The following CNTNAP2 variants were observed in gnomAD, a reference collection of about 807,000 sequenced individuals.
CNTNAP2 encodes contactin associated protein 2, also known as contactin-associated protein-like 2.
In CNTNAP2, 98 loss-of-function variants were observed where a neutral mutation model predicts 155.2. The ratio of observed to expected loss-of-function variants is 0.63; its 90% confidence interval spans 0.54 to 0.75. CNTNAP2 has a LOEUF of 0.75. Among genes scored for constraint, CNTNAP2 ranks in the 30% least tolerant of loss-of-function variants. The pLI, the probability that CNTNAP2 is intolerant of heterozygous loss-of-function variation, is 0.00. For synonymous variants in CNTNAP2, 651 were observed against 631.2 expected (o/e 1.03, Z -0.47); for missense variants, 1,727 against 1,688.1 (o/e 1.02, Z -0.40).
chr7:147,909,849 A>G (rs1800029203), intron 14 of CNTNAP2, among the ~76,000 whole-genome samples: 1 of 152,224 alleles, frequency 6.6e-6, no homozygotes, highest in African/African-American at 2.4e-5. Flanking sequence ...GGGCACATAC[A>G]TGGTGGAAAA....
chr7:147,961,565 G>A (rs1486452205), intron 14 of CNTNAP2, among the ~76,000 whole-genome samples: 1 of 152,138 alleles, frequency 6.6e-6, no homozygotes, highest in Non-Finnish European at 1.5e-5. Context: ...GTTTTCTACA[G>A]TTTTCCAATA....
chr7:148,074,821 A>G lies in CNTNAP2; in HGVS notation c.2384-43297A>G, dbSNP rs1803453637. On this transcript the variant is annotated intron_variant, in intron 15 of 23. Transcript: ENST00000361727. ...TAGCTTTTAGATAGTTTACAGGCCA[A>G]TGACACACAGTAGATGATGTTCTGC... 2.6e-5 allele frequency among the ~76,000 whole-genome samples: 4 copies of G among 152,212 alleles called. No individual in the cohort carries two copies. In the South Asian group the frequency reaches 6.2e-4, roughly 24 times the overall value.
intron 17 of CNTNAP2, among the ~76,000 whole-genome samples, chr7:148,168,550 CG>C (rs944508715): frequency 1.8e-5 from 2 of 110,640 alleles, no homozygotes; most frequent in South Asian, 2.9e-4. Flanking sequence ...CATCACACAC[CG>C]GGGCCTGTTG....
At chr7:147,650,939 C>T (rs900321066) in intron 13 of CNTNAP2, among the ~76,000 whole-genome samples, 1 of 152,056 alleles carries the variant, frequency 6.6e-6, no homozygotes, top group Non-Finnish European at 1.5e-5. Context: ...ATTTAGAATT[C>T]ATAATGACTT....
intron 1 of CNTNAP2, among the ~76,000 whole-genome samples, chr7:146,193,758 C>T (rs894002911): frequency 1.3e-5 from 2 of 152,190 alleles, no homozygotes; most frequent in African/African-American, 4.8e-5. Context: ...TGGCAGGCAA[C>T]TTGTATTTCT....
intron 1 of CNTNAP2, among the ~76,000 whole-genome samples, chr7:146,655,339 G>A (rs117607962): frequency 0.044 from 6,630 of 149,032 alleles, 169 homozygotes; most frequent in Middle Eastern, 0.092. Flanking sequence ...ACTTGAACTC[G>A]GGAGACAGAG....
At chr7:147,704,399 T>C (rs1796279196) in intron 13 of CNTNAP2, 1 of 163,406 alleles carries the variant, frequency 6.1e-6, no homozygotes, top group Non-Finnish European at 1.5e-5. Context: ...TTAATCCAAA[T>C]ATCTGACCAG....
intron 21 of CNTNAP2, among the ~76,000 whole-genome samples, chr7:148,291,724 C>T (rs561215581): frequency 6.6e-6 from 1 of 152,116 alleles, no homozygotes; most frequent in South Asian, 2.1e-4. Flanking sequence ...GGAGGTAATG[C>T]GTATGTTAAA....
intron 8 of CNTNAP2, among the ~76,000 whole-genome samples, chr7:147,227,476 A>G (rs544907872): frequency 1.1e-4 from 16 of 152,302 alleles, no homozygotes; most frequent in Non-Finnish European, 1.9e-4. Flanking sequence ...CAAGTTGAAA[A>G]AGGCTGACCA....
At chr7:147,485,230 A>G (rs1798490314) in intron 10 of CNTNAP2, among the ~76,000 whole-genome samples, 1 of 152,318 alleles carries the variant, frequency 6.6e-6, no homozygotes, top group African/African-American at 2.4e-5. Flanking sequence ...TCAAACCTTA[A>G]AATTATTTGT....
At chr7:146,157,747 T>C (rs1584777789) in intron 1 of CNTNAP2, among the ~76,000 whole-genome samples, 1 of 152,176 alleles carries the variant, frequency 6.6e-6, no homozygotes, top group Admixed American at 6.5e-5. Flanking sequence ...AAGCTTGAAC[T>C]GGGTGGAGCC....
At chr7:147,579,943 T>C (rs1397252035) in intron 12 of CNTNAP2, among the ~76,000 whole-genome samples, 1 of 152,216 alleles carries the variant, frequency 6.6e-6, no homozygotes, top group East Asian at 1.9e-4. Context: ...AGACCAAGAA[T>C]TGTGACTAGT....
intron 16 of CNTNAP2, among the ~76,000 whole-genome samples, chr7:148,140,477 G>A (rs372834544): frequency 2.0e-5 from 3 of 147,430 alleles, no homozygotes; most frequent in East Asian, 2.0e-4. Context: ...GCTGGAGTGT[G>A]CAATGGCACC....
chr7:148,354,001 G>A (rs1798471001), intron 21 of CNTNAP2, among the ~76,000 whole-genome samples: 3 of 152,240 alleles, frequency 2.0e-5, no homozygotes, highest in African/African-American at 7.2e-5. Context: ...TGGGACTAAA[G>A]TCTGGCCAGG....
At chr7:146,678,875 ATAAT>A (rs1464220891) in intron 1 of CNTNAP2, among the ~76,000 whole-genome samples, 1 of 152,322 alleles carries the variant, frequency 6.6e-6, no homozygotes, top group East Asian at 1.9e-4. Flanking sequence ...CTTATAATAA[ATAAT>A]TTGTTTTCAG....
At chr7:147,083,942 ATATAG>A (rs1800207800) in intron 4 of CNTNAP2, among the ~76,000 whole-genome samples, 1 of 95,002 alleles carries the variant, frequency 1.1e-5, no homozygotes, top group Non-Finnish European at 2.3e-5. Flanking sequence ...TGTATATATT[ATATAG>A]CATTATATAT....
At chr7:146,698,118 G>A (rs1206367221) in intron 1 of CNTNAP2, among the ~76,000 whole-genome samples, 1 of 151,976 alleles carries the variant, frequency 6.6e-6, no homozygotes, top group Non-Finnish European at 1.5e-5. Flanking sequence ...ATGTAACATT[G>A]CTCATTCATT....
At chr7:146,969,643 T>C (rs1275694061) in intron 3 of CNTNAP2, among the ~76,000 whole-genome samples, 2 of 152,166 alleles carry the variant, frequency 1.3e-5, no homozygotes, top group African/African-American at 4.8e-5. Flanking sequence ...CCCCTGCCTT[T>C]TTTTTGGTTT....
At chr7:148,311,916 T>G (rs1450420149) in intron 21 of CNTNAP2, among the ~76,000 whole-genome samples, 2 of 152,172 alleles carry the variant, frequency 1.3e-5, no homozygotes, top group Non-Finnish European at 2.9e-5. Flanking sequence ...TCTGGAATAC[T>G]GTGTGAGGCC....
Sources: gnomAD v4.1 joint callset for allele counts (sites outside exome capture counted in the v4.1 genomes callset) on GRCh38, gnomAD v4.1.1 for gene constraint, MANE v1.5 for transcripts, NCBI Gene and HGNC (gene_info 2026-07-23, HGNC 2026-07-21) for gene names.